Variants in AGBL1 observed in about 807,000 individuals in gnomAD.
AGBL1 encodes the protein AGBL carboxypeptidase 1, also known as cytosolic carboxypeptidase 4.
A neutral mutation model predicts 118.9 loss-of-function variants in AGBL1; 130 were observed. The observed-to-expected ratio is 1.09, with a 90% CI of 0.95 to 1.26. AGBL1 has a LOEUF of 1.26. Among genes scored for constraint, AGBL1 ranks in the 50% most tolerant of loss-of-function variants. The pLI, the probability that AGBL1 is intolerant of heterozygous loss-of-function variation, is 0.00. For synonymous variants in AGBL1, 555 were observed against 478.9 expected (o/e 1.16, Z -2.08); for missense variants, 1,584 against 1,298.1 (o/e 1.22, Z -3.38).
chr15:86,250,698 T>G (rs1324408783), intron 7 of AGBL1, among the ~76,000 whole-genome samples: 1 of 152,028 alleles, frequency 6.6e-6, no homozygotes, highest in Non-Finnish European at 1.5e-5. Context: ...AGAAACCAAA[T>G]GGCTTGTTAC....
At chr15:86,152,830 C>G (rs534269096) in intron 3 of AGBL1, among the ~76,000 whole-genome samples, 17 of 152,102 alleles carry the variant, frequency 1.1e-4, no homozygotes, top group African/African-American at 4.1e-4. Flanking sequence ...AAAAACAACC[C>G]CATCAAAAAG....
At chr15:86,587,878 A>G (rs1158608961) in intron 21 of AGBL1, among the ~76,000 whole-genome samples, 2 of 152,190 alleles carry the variant, frequency 1.3e-5, no homozygotes, top group African/African-American at 4.8e-5. Context: ...AGCAAGTATC[A>G]TATCACAGTA....
intron 13 of AGBL1, among the ~76,000 whole-genome samples, chr15:86,267,996 C>T (rs1055035134): frequency 2.0e-5 from 3 of 152,176 alleles, no homozygotes; most frequent in South Asian, 2.1e-4. Flanking sequence ...GAACAATAAT[C>T]GCACCTACTA....
chr15:86,970,778 A>G (rs1200005991), intron 23 of AGBL1, among the ~76,000 whole-genome samples: 2 of 152,092 alleles, frequency 1.3e-5, no homozygotes, highest in South Asian at 2.1e-4. Flanking sequence ...TTTCCCCTAG[A>G]TATCTGAACT....
chr15:86,677,120 G>A (rs2085862918), intron 22 of AGBL1, among the ~76,000 whole-genome samples: 1 of 152,134 alleles, frequency 6.6e-6, no homozygotes, highest in Non-Finnish European at 1.5e-5. Context: ...AAGACAAAGT[G>A]TGGCTGCACA....
At chr15:86,888,924 G>C (rs1260094669) in intron 22 of AGBL1, among the ~76,000 whole-genome samples, 1 of 152,130 alleles carries the variant, frequency 6.6e-6, no homozygotes, top group Non-Finnish European at 1.5e-5. Flanking sequence ...GCAATAGATG[G>C]CGTTAATTTC....
At chr15:86,312,608 T>G (rs1338881133) in intron 17 of AGBL1, among the ~76,000 whole-genome samples, 2 of 152,204 alleles carry the variant, frequency 1.3e-5, no homozygotes, top group Admixed American at 6.5e-5. Flanking sequence ...GTTACCCCAG[T>G]GTCCTATGTG....
intron 21 of AGBL1, 115 bp from the exon 22 acceptor site, chr15:86,674,158 A>T (rs1260480443): frequency 2.0e-6 from 2 of 982,070 alleles, no homozygotes; most frequent in Admixed American, 2.3e-5. Flanking sequence ...AAATACAATT[A>T]ATTCTCACTG....
At chr15:86,628,592 C>G (rs921410032) in intron 21 of AGBL1, among the ~76,000 whole-genome samples, 5 of 151,964 alleles carry the variant, frequency 3.3e-5, no homozygotes, top group Non-Finnish European at 5.9e-5. Context: ...GCAAGGAGAT[C>G]GAGACCACCC....
intron 22 of AGBL1, among the ~76,000 whole-genome samples, chr15:86,806,025 T>C (rs1459461394): frequency 6.6e-6 from 1 of 152,118 alleles, no homozygotes; most frequent in African/African-American, 2.4e-5. Flanking sequence ...AATTGATCAG[T>C]GCTCAAGGCC....
intron 18 of AGBL1, among the ~76,000 whole-genome samples, chr15:86,504,752 A>G (rs1450560020): frequency 6.6e-6 from 1 of 151,712 alleles, no homozygotes; most frequent in Non-Finnish European, 1.5e-5. Flanking sequence ...AGACACATCA[A>G]CACAGTTTAT....
chr15:86,387,658 A>G (rs530949501), intron 17 of AGBL1, among the ~76,000 whole-genome samples: 3 of 152,326 alleles, frequency 2.0e-5, no homozygotes, highest in African/African-American at 4.8e-5. Flanking sequence ...TAGGCTGCCA[A>G]TAGAATGATC....
chr15:87,003,255 G>A (rs539876688), intron 24 of AGBL1, among the ~76,000 whole-genome samples: 3 of 152,136 alleles, frequency 2.0e-5, no homozygotes, highest in East Asian at 1.9e-4. Context: ...TTTGTCTTTG[G>A]TTCTGTTTAT....
intron 22 of AGBL1, among the ~76,000 whole-genome samples, chr15:86,851,404 G>A (rs929402825): frequency 6.6e-5 from 10 of 152,058 alleles, no homozygotes; most frequent in African/African-American, 2.4e-4. Context: ...AAACAGTGAG[G>A]ACAGAAAGGT....
chr15:86,715,531 A>G (rs1420205540), intron 22 of AGBL1, among the ~76,000 whole-genome samples: 1 of 152,164 alleles, frequency 6.6e-6, no homozygotes, highest in African/African-American at 2.4e-5. Context: ...GTCTTTAGCA[A>G]ATAGAATAGT....
At chr15:86,723,153 A>G in intron 22 of AGBL1, among the ~76,000 whole-genome samples, 1 of 152,188 alleles carries the variant, frequency 6.6e-6, no homozygotes, top group African/African-American at 2.4e-5. Context: ...CCCATTACTG[A>G]GTGTATGTCC....
intron 21 of AGBL1, among the ~76,000 whole-genome samples, chr15:86,557,413 A>G (rs1596262622): frequency 6.6e-6 from 1 of 152,146 alleles, no homozygotes; most frequent in Non-Finnish European, 1.5e-5. Context: ...TAGGAGGAGG[A>G]TGTGAGTCCC....
chr15:86,110,664 G>C (rs1252642084), intron 1 of AGBL1, among the ~76,000 whole-genome samples: 2 of 152,140 alleles, frequency 1.3e-5, no homozygotes, highest in Non-Finnish European at 2.9e-5. Flanking sequence ...AGAACTAGCT[G>C]TGTGACCTAA....
chr15:86,111,192 A>G (rs1897359677), intron 1 of AGBL1, among the ~76,000 whole-genome samples: 1 of 152,172 alleles, frequency 6.6e-6, no homozygotes, highest in Admixed American at 6.5e-5. Context: ...GTTTGGGAGG[A>G]TTCCATGACC....
Sources: allele counts gnomAD v4.1 joint callset (sites outside exome capture counted in the v4.1 genomes callset), GRCh38; gene constraint gnomAD v4.1.1; transcripts MANE v1.5; gene names NCBI Gene and HGNC (gene_info 2026-07-23, HGNC 2026-07-21).